CHM: variants seen among roughly 807,000 people sequenced by gnomAD.
CHM encodes the protein CHM Rab escort protein.
CHM carries 10 observed loss-of-function variants against 49.0 expected under a neutral mutation model. The ratio of observed to expected loss-of-function variants is 0.20; its 90% CI spans 0.13 to 0.35. The LOEUF (loss-of-function observed/expected upper bound fraction) is 0.35, where lower values mean the gene tolerates loss of function less well. Among genes scored for constraint, CHM ranks in the 10% least tolerant of loss-of-function variants. The pLI, the probability that CHM is intolerant of heterozygous loss-of-function variation, is 1.00. For missense variants in CHM, 455 were observed against 478.4 expected (o/e 0.95, Z 0.46); for synonymous variants, 184 against 167.5 (o/e 1.10, Z -0.76).
chrX:85,911,130 T>TATAG (rs1926910223), intron 9 of CHM, 131 bp downstream of exon 9: 4 of 179 alleles, frequency 0.022, no homozygotes, highest in African/African-American at 0.042. Context: ...TGTGTATATG[T>TATAG]ATATATATAT....
At chrX:85,921,993 C>T (rs1927813047) in intron 8 of CHM, among the ~76,000 whole-genome samples, 1 of 111,839 alleles carries the variant, frequency 8.9e-6, no homozygotes. Context: ...GCAGTATTTA[C>T]ACACATGTGC....
At chrX:85,926,141 A>T (rs1928066017) in intron 8 of CHM, among the ~76,000 whole-genome samples, 1 of 111,280 alleles carries the variant, frequency 9.0e-6, no homozygotes, top group African/African-American at 3.3e-5. Flanking sequence ...AACACAAAAA[A>T]CTAAACATTG....
At chrX:85,974,615 G>T (rs1037485462) in intron 4 of CHM, among the ~76,000 whole-genome samples, 4 of 110,444 alleles carry the variant, frequency 3.6e-5, no homozygotes, top group African/African-American at 6.6e-5. Flanking sequence ...TTTGACCAAG[G>T]TATAAAAGTA....
chrX:85,931,757 T>C (rs779096763), intron 8 of CHM, among the ~76,000 whole-genome samples: 1 of 111,946 alleles, frequency 8.9e-6, no homozygotes, highest in South Asian at 3.7e-4. Context: ...GTAAAAACTC[T>C]AGGTACATCC....
At chrX:85,937,135 G>A (rs762137989) in intron 8 of CHM, among the ~76,000 whole-genome samples, 61 of 108,491 alleles carry the variant, frequency 5.6e-4, no homozygotes, top group African/African-American at 1.9e-3. Flanking sequence ...GTGTGGTTGC[G>A]GGCGCCTGTA....
At chrX:85,872,686 T>C (rs1603234080) in intron 14 of CHM, among the ~76,000 whole-genome samples, 1 of 112,463 alleles carries the variant, frequency 8.9e-6, no homozygotes, top group African/African-American at 3.2e-5. Context: ...AAATAATTTA[T>C]GTATTTCAAA....
intron 8 of CHM, among the ~76,000 whole-genome samples, chrX:85,930,215 T>C (rs1355495106): frequency 8.9e-6 from 1 of 112,265 alleles, no homozygotes; most frequent in Non-Finnish European, 1.9e-5. Context: ...AAAACTCATA[T>C]GGCTATCAAA....
At chrX:85,967,329 T>A (rs927714561) in intron 4 of CHM, among the ~76,000 whole-genome samples, 1 of 112,236 alleles carries the variant, frequency 8.9e-6, no homozygotes, top group African/African-American at 3.2e-5. Flanking sequence ...CAGTAATAGT[T>A]CAATTCTACT....
intron 2 of CHM, among the ~76,000 whole-genome samples, chrX:85,996,953 G>A (rs1932467399): frequency 9.0e-6 from 1 of 111,672 alleles, no homozygotes; most frequent in South Asian, 3.8e-4. Flanking sequence ...AGTTTTTAAA[G>A]ATTTTTCTTC....
intron 8 of CHM, among the ~76,000 whole-genome samples, chrX:85,942,305 A>G (rs1603257740): frequency 1.2e-5 from 1 of 82,013 alleles, no homozygotes; most frequent in African/African-American, 4.7e-5. Flanking sequence ...TTTAAATCCC[A>G]GAAGCACTCT....
At chrX:85,981,228 ATATT>A (rs1185661308) in intron 3 of CHM, among the ~76,000 whole-genome samples, 4,993 of 52,589 alleles carry the variant, frequency 0.095, 507 homozygotes, top group Non-Finnish European at 0.13. Flanking sequence ...ATAGACACAC[ATATT>A]TTTTTTTTTT....
intron 8 of CHM, among the ~76,000 whole-genome samples, chrX:85,945,651 C>T (rs961815658): frequency 5.5e-5 from 6 of 108,303 alleles, no homozygotes; most frequent in Non-Finnish European, 9.6e-5. Flanking sequence ...TTTCTTTATA[C>T]GAGTGCAAGA....
chrX:86,034,895 C>A (rs1377107646), intron 1 of CHM, among the ~76,000 whole-genome samples: 7 of 112,500 alleles, frequency 6.2e-5, no homozygotes, highest in Non-Finnish European at 1.1e-4. Flanking sequence ...CAGGCACTCA[C>A]TGGAAGCTTG....
chrX:85,994,797 G>T (rs1932363068), intron 2 of CHM, among the ~76,000 whole-genome samples: 1 of 111,383 alleles, frequency 9.0e-6, no homozygotes, highest in African/African-American at 3.3e-5. Flanking sequence ...AAAAAATAAG[G>T]AGGAAAAATA....
At chrX:85,982,948 T>C in intron 2 of CHM, among the ~76,000 whole-genome samples, 1 of 110,750 alleles carries the variant, frequency 9.0e-6, no homozygotes, top group Non-Finnish European at 1.9e-5. Context: ...TACCAGCCTG[T>C]GCAAAATAGC....
intron 9 of CHM, among the ~76,000 whole-genome samples, chrX:85,907,668 C>G (rs1226127718): frequency 8.9e-6 from 1 of 111,734 alleles, no homozygotes; most frequent in Non-Finnish European, 1.9e-5. Context: ...CCTCAATGCC[C>G]TATTTCTTCG....
chrX:86,030,439 GA>G (rs1318488336), intron 1 of CHM, among the ~76,000 whole-genome samples: 1 of 111,412 alleles, frequency 9.0e-6, no homozygotes, highest in African/African-American at 3.3e-5. Context: ...CAGGATACAG[GA>G]GGCATGTAGT....
At chrX:85,952,807 A>G (rs2092069) in intron 8 of CHM, among the ~76,000 whole-genome samples, 25,465 of 112,339 alleles carry the variant, frequency 0.23, 2,169 homozygotes, top group Middle Eastern at 0.26. Context: ...GCCTTTCTGG[A>G]CCTACCCTCG....
rs146746130 is a variant in CHM at position 85,946,074 on chromosome X, C to A, written c.1166+10079G>T. Among the ~76,000 whole-genome samples the A allele has an allele frequency of 3.3e-3, 372 of 112,352 alleles. 4 individuals are homozygous for A. Among genetic ancestry groups the A allele is most frequent in the African/African-American group, 0.012 (359 of 30,929 alleles). The stretch of plus-strand genomic sequence containing the variant: ...AGCAGCAAAGCATTCCAGATGTGAC[C>A]TGGCTGCTTCTAATAGCCTATGCTC... On this transcript the variant is annotated intron_variant, in intron 8 of 14. Transcript: ENST00000357749.
Sources: gnomAD v4.1 joint callset for allele counts (sites outside exome capture counted in the v4.1 genomes callset) on GRCh38, gnomAD v4.1.1 for gene constraint, MANE v1.5 for transcripts, NCBI Gene and HGNC (gene_info 2026-07-23, HGNC 2026-07-21) for gene names.